The following C9orf43 variants were observed in gnomAD, a reference collection of about 807,000 sequenced individuals.
The protein encoded by C9orf43 is chromosome 9 open reading frame 43.
In C9orf43, 45 loss-of-function variants were observed where a neutral mutation model predicts 59.1. The observed-to-expected ratio is 0.76, with a 90% CI of 0.60 to 0.98. C9orf43 has a LOEUF of 0.98. Among genes scored for constraint, C9orf43 ranks in the 50% least tolerant of loss-of-function variants. The probability of loss-of-function intolerance (pLI) is 0.00; values close to 1 mark genes in which losing one functional copy is unlikely to be tolerated. For synonymous variants in C9orf43, 203 were observed against 196.8 expected, an observed-to-expected ratio of 1.03 and a Z score of -0.26; for missense variants, 533 against 554.9, an observed-to-expected ratio of 0.96 and a Z score of 0.40.
intron 11 of C9orf43, 55 bp from the exon 12 acceptor site, chr9:113,428,092 A>C: frequency 6.3e-7 from 1 of 1,588,466 alleles, no homozygotes; most frequent in Non-Finnish European, 8.6e-7. Flanking sequence ...GAAGCCCCCA[A>C]ATAGGGTATG....
In C9orf43 at chr9:113,423,440, T is replaced by C. The variant is rs753071171; in HGVS notation, c.598T>C (p.Ser200Pro). The change falls in exon 7 of 14, where the codon TCA becomes CCA. Residue 200 changes from serine to proline, a missense_variant. Coordinates refer to ENST00000374165, the MANE Select transcript of C9orf43 (RefSeq NM_001278629.2). ...TPVQLSEQFS[S>P]DFLPLWAQSE... ...AGTGCAATTGTCTGAACAATTCAGT[T>C]CAGATTTCCTACCTCTCTGGGCTCA... The C allele has an allele frequency of 6.2e-7, 1 of 1,614,088 alleles. No homozygotes were observed. Among genetic ancestry groups the C allele is most frequent in the Non-Finnish European group, 8.5e-7 (1 of 1,179,994 alleles).
Position 113,411,006 on chromosome 9 carries a change from T to A in C9orf43, c.-50+5T>A, listed in dbSNP as rs1424165037. 1 of 985,596 alleles carries A rather than the reference T, an allele frequency of 1.0e-6. No homozygotes were observed. 61.1% of individuals were successfully genotyped at this position (985,596 alleles called of 1,614,324 possible). A position where few individuals can be genotyped will look rare whatever the true frequency, so the allele number is the denominator to read the frequency against. On this transcript the variant is annotated splice_donor_5th_base_variant and intron_variant, in intron 1 of 13. Transcript: ENST00000374165. ...CCTCACGCTTTTGTAATAATGGTAC[T>A]AAGACTGAGTGTTATTTAGATTTTA... is the stretch of plus-strand genomic sequence containing the variant.
chr9:113,422,441 T>G (rs1828612748), intron 5 of C9orf43, 108 bp from the exon 6 acceptor site: 1 of 1,464,816 alleles, frequency 6.8e-7, no homozygotes, highest in Non-Finnish European at 9.2e-7. Flanking sequence ...CATTCACAAA[T>G]ATCCTTGGAG....
chr9:113,424,111 A>T (rs549570387), intron 7 of C9orf43, 55 bp from the exon 8 acceptor site: 2 of 1,532,546 alleles, frequency 1.3e-6, no homozygotes, highest in East Asian at 4.5e-5. Flanking sequence ...CTCCTCAGCC[A>T]TGCTTTCCGG....
intron 11 of C9orf43, 62 bp from the exon 12 acceptor site, chr9:113,428,085 G>GC: frequency 1.3e-6 from 2 of 1,551,732 alleles, no homozygotes; most frequent in Non-Finnish European, 1.8e-6. Flanking sequence ...TCACCTAGAA[G>GC]CCCCCAAATA....
rs941798000 is a variant in C9orf43 at position 113,411,004 on chromosome 9, A to G, written c.-50+3A>G. On this transcript the variant is annotated splice_donor_region_variant and intron_variant, in intron 1 of 13. Transcript: ENST00000374165. ...CCCCTCACGCTTTTGTAATAATGGT[A>G]CTAAGACTGAGTGTTATTTAGATTT... 14 of 985,548 alleles carry G rather than the reference A, an allele frequency of 1.4e-5. No individual in the cohort carries two copies. In the African/African-American group the frequency reaches 2.4e-4, roughly 17 times the overall value. 61.1% of individuals were successfully genotyped at this position (985,548 alleles called of 1,614,324 possible). A position where few individuals can be genotyped will look rare whatever the true frequency, so the allele number is the denominator to read the frequency against.
chr9:113,414,455 T>C (rs1478624471), intron 3 of C9orf43, among the ~76,000 whole-genome samples: 1 of 151,770 alleles, frequency 6.6e-6, no homozygotes, highest in Non-Finnish European at 1.5e-5. Context: ...TTTTTTTTTT[T>C]TTTACTTTTA....
At chr9:113,422,524 T>C in intron 5 of C9orf43, 25 bp from the exon 6 acceptor site, 1 of 1,612,894 alleles carries the variant, frequency 6.2e-7, no homozygotes, top group Non-Finnish European at 8.5e-7. Flanking sequence ...CATGTTTTGT[T>C]TTGTTTTGTT....
chr9:113,418,214 C>T (rs1478476759), intron 3 of C9orf43, among the ~76,000 whole-genome samples: 1 of 152,190 alleles, frequency 6.6e-6, no homozygotes, highest in Admixed American at 6.5e-5. Context: ...CCATTAACAG[C>T]AACTCCCCAT....
intron 3 of C9orf43, among the ~76,000 whole-genome samples, 164 bp from the exon 4 acceptor site, chr9:113,418,944 A>G (rs1000122171): frequency 2.0e-5 from 3 of 152,250 alleles, no homozygotes; most frequent in African/African-American, 7.2e-5. Context: ...TGTTCCGGGA[A>G]AAACAAACAA....
In C9orf43 at chr9:113,428,217, G is replaced by A. The variant is rs200760991; in HGVS notation, c.1101G>A (p.Ser367=). 14 of 1,614,058 alleles carry A rather than the reference G, an allele frequency of 8.7e-6. No homozygotes were observed. The highest frequency in any genetic ancestry group is 1.7e-5 in the Admixed American group (1 of 60,004). The change falls in exon 12 of 14, where the codon TCG becomes TCA. Residue 367 remains serine, a synonymous_variant. Transcript: ENST00000374165. ...AGCAGATGGAAAAAGGAACCACTTC[G>A]AAACAGGTGAGAGTGTACCAAGGCC... ...QQQQMEKGTT[S]KQDSTERPKM...
chr9:113,419,028 AG>A, intron 3 of C9orf43, 79 bp from the exon 4 acceptor site: 1 of 1,144,710 alleles, frequency 8.7e-7, no homozygotes, highest in South Asian at 1.4e-5. Flanking sequence ...GATAAGTAGA[AG>A]GATTTCCTCA....
chr9:113,415,290 C>T (rs1335804046), intron 3 of C9orf43, among the ~76,000 whole-genome samples: 50 of 152,008 alleles, frequency 3.3e-4, no homozygotes, highest in African/African-American at 1.2e-4. Context: ...ACCACAGGCA[C>T]GCGCCACCAC....
intron 3 of C9orf43, among the ~76,000 whole-genome samples, chr9:113,416,415 G>A (rs762255207): frequency 6.6e-6 from 1 of 152,130 alleles, no homozygotes; most frequent in Admixed American, 6.5e-5. Context: ...TGTGAGACTG[G>A]TTTTCTGATT....
Position 113,413,561 on chromosome 9 carries a change from A to G in C9orf43, c.68A>G (p.Gln23Arg). The stretch of plus-strand genomic sequence containing the variant: ...GGCTTGGCTGTTTGTCAGCACCCAC[A>G]ATGCTGGGCAACTATCCGCCGCATT... Reference protein sequence around the residue: ...TCGLAVCQHPQCWATIRRIER... With the variant: ...TCGLAVCQHPRCWATIRRIER... The change falls in exon 2 of 14, where the codon CAA (glutamine) becomes CGA (arginine). Residue 23 changes from glutamine (Q) to arginine (R), a missense_variant. Coordinates refer to ENST00000374165, the MANE Select transcript of C9orf43 (RefSeq NM_001278629.2). The G allele has an allele frequency of 6.2e-7, 1 of 1,614,222 alleles. No homozygotes were observed. The highest frequency in any genetic ancestry group is 8.5e-7 in the Non-Finnish European group (1 of 1,180,028).
rs969228615 is a variant in C9orf43 at position 113,410,985 on chromosome 9, A to G, written c.-66A>G. ...TTCATTTTTAATCTTTTCGCCCCTC[A>G]CGCTTTTGTAATAATGGTACTAAGA... On this transcript the variant is annotated 5_prime_UTR_variant, in exon 1 of 14. Coordinates refer to ENST00000374165, the MANE Select transcript of C9orf43 (RefSeq NM_001278629.2). The G allele has an allele frequency of 2.0e-6, 2 of 985,864 alleles. No individual in the cohort carries two copies. Among genetic ancestry groups the G allele is most frequent in the African/African-American group, 3.5e-5 (2 of 57,140 alleles). 61.1% of individuals were successfully genotyped at this position (985,864 alleles called of 1,614,324 possible).
At position 113,428,195 on chromosome 9, in the gene C9orf43, A is replaced by C. The variant is rs1339042478; in HGVS notation, c.1079A>C (p.Gln360Pro). 3 of 1,614,240 alleles carry C rather than the reference A, an allele frequency of 1.9e-6. No homozygotes were observed. The Admixed American group carries it at 5.0e-5, about 27-fold the overall frequency. The change falls in exon 12 of 14, where the codon CAG becomes CCG. Residue 360 changes from glutamine (Q) to proline (P), a missense_variant. Transcript: ENST00000374165. ...GQNSDMKQQQ[Q>P]MEKGTTSKQD... is the part of the protein sequence containing the mutation. The stretch of plus-strand genomic sequence containing the variant: ...AACAGTGACATGAAGCAGCAGCAGC[A>C]GATGGAAAAAGGAACCACTTCGAAA...
At chr9:113,413,283 C>A (rs111858396) in intron 1 of C9orf43, 162 bp from the exon 2 acceptor site, 14,324 of 296,116 alleles carry the variant, frequency 0.048, 402 homozygotes, top group South Asian at 0.1. Flanking sequence ...TTATGCTGAG[C>A]TATTTTCATA....
At chr9:113,413,285 AT>A (rs1185525353) in intron 1 of C9orf43, 159 bp from the exon 2 acceptor site, 8 of 305,518 alleles carry the variant, frequency 2.6e-5, no homozygotes, top group Non-Finnish European at 2.9e-5. Flanking sequence ...ATGCTGAGCT[AT>A]TTTCATACTT....
Sources: allele counts gnomAD v4.1 joint callset (sites outside exome capture counted in the v4.1 genomes callset), GRCh38; gene constraint gnomAD v4.1.1; transcripts MANE v1.5; gene names NCBI Gene and HGNC (gene_info 2026-07-23, HGNC 2026-07-21).